The following SLCO3A1 variants were observed in gnomAD, a reference collection of about 807,000 sequenced individuals.
SLCO3A1 encodes solute carrier organic anion transporter family member 3A1.
SLCO3A1 carries 27 observed loss-of-function variants against 63.1 expected under a neutral mutation model. The observed-to-expected ratio is 0.43, with a 90% CI of 0.32 to 0.59. The LOEUF is 0.59. SLCO3A1 is among the 20% of genes least tolerant of loss of function. The probability of loss-of-function intolerance (pLI) is 0.09; values close to 1 mark genes in which losing one functional copy is unlikely to be tolerated. For missense variants in SLCO3A1, 773 were observed against 945.8 expected, an observed-to-expected ratio of 0.82 and a Z score of 2.40; for synonymous variants, 473 against 409.9, an observed-to-expected ratio of 1.15 and a Z score of -1.86.
At chr15:92,115,547 T>C (rs935757584) in intron 4 of SLCO3A1, among the ~76,000 whole-genome samples, 1 of 152,108 alleles carries the variant, frequency 6.6e-6, no homozygotes, top group African/African-American at 2.4e-5. Flanking sequence ...CTGGGCCACA[T>C]GCTTTACACA....
intron 2 of SLCO3A1, among the ~76,000 whole-genome samples, chr15:91,939,736 G>T (rs1221286077): frequency 1.3e-5 from 2 of 151,940 alleles, no homozygotes; most frequent in South Asian, 4.2e-4. Context: ...CCTCCTACCC[G>T]CCTCCTCCAT....
chr15:92,067,923 C>T (rs144752355), intron 2 of SLCO3A1, among the ~76,000 whole-genome samples: 2 of 152,202 alleles, frequency 1.3e-5, no homozygotes. Flanking sequence ...CACCTTCTTA[C>T]TGTGTCCTCT....
At chr15:92,146,680 T>G (rs1448401053) in intron 7 of SLCO3A1, among the ~76,000 whole-genome samples, 1 of 152,218 alleles carries the variant, frequency 6.6e-6, no homozygotes, top group Non-Finnish European at 1.5e-5. Context: ...GGAAGCGCAA[T>G]TTCCTCTCTA....
chr15:91,981,518 C>G (rs937788347), intron 2 of SLCO3A1, among the ~76,000 whole-genome samples: 3 of 152,202 alleles, frequency 2.0e-5, no homozygotes, highest in African/African-American at 7.2e-5. Context: ...TCCCATCCTG[C>G]AGAGTGCTTC....
At chr15:92,070,693 G>C (rs2047205411) in intron 2 of SLCO3A1, among the ~76,000 whole-genome samples, 2 of 151,474 alleles carry the variant, frequency 1.3e-5, no homozygotes, top group African/African-American at 4.9e-5. Flanking sequence ...TGATATTCGG[G>C]ATTTGCTTTA....
At chr15:92,160,294 C>T (rs887446929) in intron 9 of SLCO3A1, among the ~76,000 whole-genome samples, 4 of 152,112 alleles carry the variant, frequency 2.6e-5, no homozygotes, top group Admixed American at 6.5e-5. Flanking sequence ...GGCTCCAGAT[C>T]TTCATTTTTT....
chr15:92,072,692 C>T (rs532155609), intron 2 of SLCO3A1, among the ~76,000 whole-genome samples: 7 of 152,278 alleles, frequency 4.6e-5, no homozygotes, highest in South Asian at 2.1e-4. Context: ...TAGATCCAGG[C>T]GTTCCTTGGT....
chr15:92,012,737 T>C lies in SLCO3A1; in HGVS notation c.647-82144T>C, dbSNP rs1829274. ...GGGCAACATGATGAAATGCTGTCTC[T>C]AATTTAAAAAAAAAAAAAAAAAAAA... On this transcript the variant is annotated intron_variant, in intron 2 of 9. Coordinates refer to ENST00000318445, the MANE Select transcript of SLCO3A1 (RefSeq NM_013272.4). 4.1e-3 allele frequency among the ~76,000 whole-genome samples: 369 copies of C among 89,988 alleles called. 1 individual carries two copies. The highest frequency in any genetic ancestry group is 0.02 in the African/African-American group (358 of 17,714). The allele number at this position is 89,988 out of a possible 152,430, so 59.0% of individuals were successfully genotyped here. A position where few individuals can be genotyped will look rare whatever the true frequency, so the allele number is the denominator to read the frequency against.
chr15:91,952,779 G>A (rs554369715), intron 2 of SLCO3A1, among the ~76,000 whole-genome samples: 2 of 152,296 alleles, frequency 1.3e-5, no homozygotes, highest in East Asian at 1.9e-4. Flanking sequence ...TATCGATTCT[G>A]TCTTCTCAGC....
intron 4 of SLCO3A1, among the ~76,000 whole-genome samples, chr15:92,120,182 C>G (rs7170650): frequency 0.82 from 125,241 of 152,030 alleles, 52,639 homozygotes; most frequent in Non-Finnish European, 0.9. Flanking sequence ...AAAAATTTTA[C>G]TGTGTCTAGT....
Position 92,102,522 on chromosome 15 carries a change from A to G in SLCO3A1, c.746-1757A>G, listed in dbSNP as rs942790106. ...TTGCAAATGATGCAGCTAAGACTCAAGGAGGGTAAGTAATCTGCCCAGTGT... is the reference window on the plus strand; with the variant it reads ...TTGCAAATGATGCAGCTAAGACTCAGGGAGGGTAAGTAATCTGCCCAGTGT... On this transcript the variant is annotated intron_variant, in intron 3 of 9. Coordinates refer to ENST00000318445, the MANE Select transcript of SLCO3A1 (RefSeq NM_013272.4). Among the ~76,000 whole-genome samples, 6 of 152,178 alleles carry G rather than the reference A, an allele frequency of 3.9e-5. No homozygotes were observed. The East Asian group carries it at 1.2e-3, about 29-fold the overall frequency.
At chr15:91,858,027 T>C (rs541216551) in intron 1 of SLCO3A1, among the ~76,000 whole-genome samples, 1 of 152,336 alleles carries the variant, frequency 6.6e-6, no homozygotes, top group South Asian at 2.1e-4. Flanking sequence ...ATCTCACTGC[T>C]TTGTAGTCAC....
intron 2 of SLCO3A1, among the ~76,000 whole-genome samples, chr15:91,919,482 G>A (rs966680086): frequency 3.3e-5 from 5 of 152,226 alleles, no homozygotes; most frequent in Non-Finnish European, 5.9e-5. Context: ...CAGCCAGACG[G>A]TGACCCGTGG....
rs1387784648 is a variant in SLCO3A1 at position 92,128,360 on chromosome 15, TGGC to T, written c.1384_1386del (p.Gly462del). 6.2e-7 allele frequency: 1 copy of T among 1,613,912 alleles called. No homozygotes were observed. The highest frequency in any genetic ancestry group is 1.1e-5 in the South Asian group (1 of 91,066). Reference sequence around the variant, plus strand: ...TTCCTTTCTTTTCCAGCACAGCACCTGGCTCAGCCCTGGACCCCTACTCGCCCT... The same window carrying T: ...TTCCTTTCTTTTCCAGCACAGCACCTTCAGCCCTGGACCCCTACTCGCCCT... On this transcript the variant is annotated inframe_deletion, in exon 7 of 10. Transcript: ENST00000318445.
At chr15:92,032,710 C>T (rs912352057) in intron 2 of SLCO3A1, among the ~76,000 whole-genome samples, 8 of 152,106 alleles carry the variant, frequency 5.3e-5, no homozygotes, top group South Asian at 2.1e-4. Context: ...CCATCGAAGG[C>T]GGTTGCGATG....
At chr15:91,972,245 G>A (rs1900904388) in intron 2 of SLCO3A1, among the ~76,000 whole-genome samples, 1 of 152,124 alleles carries the variant, frequency 6.6e-6, no homozygotes, top group African/African-American at 2.4e-5. Context: ...GCGCTGGGTT[G>A]GGAGGTGGAT....
intron 2 of SLCO3A1, among the ~76,000 whole-genome samples, chr15:92,049,918 G>A (rs1358503205): frequency 6.6e-6 from 1 of 152,190 alleles, no homozygotes; most frequent in Non-Finnish European, 1.5e-5. Flanking sequence ...TTGCTCGTGA[G>A]CTTTTTAATC....
chr15:91,904,517 A>G (rs979160511), intron 1 of SLCO3A1, among the ~76,000 whole-genome samples: 1 of 152,190 alleles, frequency 6.6e-6, no homozygotes, highest in Non-Finnish European at 1.5e-5. Context: ...AGCAGTTAAT[A>G]TCCATTGGTC....
At chr15:92,041,506 A>C (rs1415248703) in intron 2 of SLCO3A1, among the ~76,000 whole-genome samples, 1 of 152,224 alleles carries the variant, frequency 6.6e-6, no homozygotes, top group Non-Finnish European at 1.5e-5. Flanking sequence ...TTCAGGGAAC[A>C]GGGAAAGCAA....
Sources: gnomAD v4.1 joint callset for allele counts (sites outside exome capture counted in the v4.1 genomes callset) on GRCh38, gnomAD v4.1.1 for gene constraint, MANE v1.5 for transcripts, NCBI Gene and HGNC (gene_info 2026-07-23, HGNC 2026-07-21) for gene names.